Variants in KREMEN2 observed in about 807,000 individuals in gnomAD.
The protein encoded by KREMEN2 is kringle containing transmembrane protein 2.
Under a neutral mutation model 49.8 loss-of-function variants are expected in KREMEN2, and 43 were observed. That is an observed-to-expected ratio of 0.86 (90% CI 0.68 to 1.11). KREMEN2 has a LOEUF of 1.11. KREMEN2 is among the 50% of genes most tolerant of loss of function. The pLI is 0.00. For synonymous variants in KREMEN2, 355 were observed against 304.9 expected (o/e 1.16, Z -1.71); for missense variants, 686 against 665.7 (o/e 1.03, Z -0.34).
Position 2,965,050 on chromosome 16 carries a change from G to A in KREMEN2, c.269+17G>A. On this transcript the variant is annotated intron_variant, in intron 2 of 8. Transcript: ENST00000303746. The stretch of plus-strand genomic sequence containing the variant: ...CTTCTGCCGGTGAGGGGCGGGGCCT[G>A]CGCTGGGGGCGAGGCTGGGCTCACC... 1 of 1,509,934 alleles carries A rather than the reference G, an allele frequency of 6.6e-7. No homozygotes were observed. Among genetic ancestry groups the A allele is most frequent in the African/African-American group, 1.4e-5 (1 of 70,624 alleles). The allele number at this position is 1,509,934 out of a possible 1,614,324, so 93.5% of individuals were successfully genotyped here.
At position 2,968,289 on chromosome 16, in the gene KREMEN2, G is replaced by A; in HGVS notation, c.*269G>A. 1 of 1,393,772 alleles carries A rather than the reference G, an allele frequency of 7.2e-7. No homozygotes were observed. The highest frequency in any genetic ancestry group is 9.8e-7 in the Non-Finnish European group (1 of 1,018,784). 86.3% of individuals were successfully genotyped at this position (1,393,772 alleles called of 1,614,324 possible). A position where few individuals can be genotyped will look rare whatever the true frequency, so the allele number is the denominator to read the frequency against. ...AGGTCTTTGAACCCCTCTGGGGGTG[G>A]TCCTGGACTGCCGTCCTCAGTGAGA... On this transcript the variant is annotated 3_prime_UTR_variant, in exon 9 of 9. Transcript: ENST00000303746.
Position 2,967,573 on chromosome 16 carries a change from C to G in KREMEN2, c.1147C>G (p.Leu383Val). Residue 383 changes from leucine (L) to valine (V), a missense_variant, in exon 8 of 9, where the codon CTC (leucine) becomes GTC (valine). Physicochemically the swap from Leu to Val is conservative, Grantham distance 32. Transcript: ENST00000303746. ...VTAVSVLLLL[L>V]LGLLRPLRRR... ...GGCTGTCTCGGTGCTGCTGCTGCTGCTCCTGGGGCTGCTGCGTCCGCTGCG... is the reference window on the plus strand; with the variant it reads ...GGCTGTCTCGGTGCTGCTGCTGCTGGTCCTGGGGCTGCTGCGTCCGCTGCG... The G allele has an allele frequency of 6.5e-7, 1 of 1,529,916 alleles. No individual in the cohort carries two copies. Among genetic ancestry groups the G allele is most frequent in the Non-Finnish European group, 8.7e-7 (1 of 1,144,268 alleles). The allele number at this position is 1,529,916 out of a possible 1,614,324, so 94.8% of individuals were successfully genotyped here.
Position 2,964,516 on chromosome 16 carries a change from G to A in KREMEN2, c.-5G>A. 7 of 1,567,226 alleles carry A rather than the reference G, an allele frequency of 4.5e-6. No homozygotes were observed. Among genetic ancestry groups the A allele is most frequent in the South Asian group, 3.6e-5 (3 of 83,168 alleles). ...GCGAGGGTGACCTATCCTTGGTTGA[G>A]AGCGATGGGGACACAAGCCCTGCAG... On this transcript the variant is annotated 5_prime_UTR_variant, in exon 1 of 9. Transcript: ENST00000303746.
chr16:2,967,330 C>A lies in KREMEN2; in HGVS notation c.984C>A (p.Asp328Glu). 1 of 1,402,004 alleles carries A rather than the reference C, an allele frequency of 7.1e-7. No individual in the cohort carries two copies. Among genetic ancestry groups the A allele is most frequent in the Non-Finnish European group, 9.2e-7 (1 of 1,089,318 alleles). The allele number at this position is 1,402,004 out of a possible 1,614,324, so 86.8% of individuals were successfully genotyped here. A position where few individuals can be genotyped will look rare whatever the true frequency, so the allele number is the denominator to read the frequency against. The change falls in exon 7 of 9, where the codon GAC becomes GAA. Residue 328 changes from aspartate to glutamate, a missense_variant. Asp to Glu is a conservative substitution (Grantham distance 45, BLOSUM62 2). Transcript: ENST00000303746. ...GFALTYRGLQ[D>E]AAEDPEAPEG... ...CGCCCCTCTCCGCAGGGCTGCAGGACGCCGCTGAGGACCCAGAGGCCCCCG... is the reference window on the plus strand; with the variant it reads ...CGCCCCTCTCCGCAGGGCTGCAGGAAGCCGCTGAGGACCCAGAGGCCCCCG...
chr16:2,968,042 T>C lies in KREMEN2; in HGVS notation c.*22T>C. 1 of 1,533,366 alleles carries C rather than the reference T, an allele frequency of 6.5e-7. No individual in the cohort carries two copies. Among genetic ancestry groups the C allele is most frequent in the Non-Finnish European group, 8.7e-7 (1 of 1,144,038 alleles). The allele number at this position is 1,533,366 out of a possible 1,614,324, so 95.0% of individuals were successfully genotyped here. On this transcript the variant is annotated 3_prime_UTR_variant, in exon 9 of 9. Transcript: ENST00000303746. Reference sequence around the variant, plus strand: ...CTGACTCTGGGCCCCGAGGGTCCGCTGGGCCCGCCGCCGGCGAGATGGACA... The same window carrying C: ...CTGACTCTGGGCCCCGAGGGTCCGCCGGGCCCGCCGCCGGCGAGATGGACA...
Position 2,968,230 on chromosome 16 carries a change from T to G in KREMEN2, c.*210T>G, listed in dbSNP as rs967750482. ...GTCCAGATGGTCCAGGCCCTCTCCA[T>G]GGACCTGTATGTGGGGGTGGTCTCT... On this transcript the variant is annotated 3_prime_UTR_variant, in exon 9 of 9. Transcript: ENST00000303746. 1.2e-5 allele frequency: 11 copies of G among 911,492 alleles called. No individual in the cohort carries two copies. The highest frequency in any genetic ancestry group is 2.2e-5 in the Admixed American group (1 of 45,426). 56.5% of individuals were successfully genotyped at this position (911,492 alleles called of 1,614,324 possible).
At chr16:2,967,294 A>C (rs1489891670) in intron 6 of KREMEN2, 26 bp from the exon 7 acceptor site, 8 of 1,327,652 alleles carry the variant, frequency 6.0e-6, no homozygotes, top group Non-Finnish European at 7.7e-6. Context: ...CGCTCTCCCC[A>C]CCCCGCCTCA....
chr16:2,967,693 G>T (rs2071863286), intron 8 of KREMEN2, 89 bp downstream of exon 8: 1 of 1,547,564 alleles, frequency 6.5e-7, no homozygotes. Context: ...GGAACTCCTG[G>T]GTTCTTAAGG....
In KREMEN2 at chr16:2,966,258, G is replaced by C; in HGVS notation, c.361+27G>C. On this transcript the variant is annotated intron_variant, in intron 3 of 8. Coordinates refer to ENST00000303746, the MANE Select transcript of KREMEN2 (RefSeq NM_172229.3). This position sits in a 1 kb window ranked among gnomAD's most constrained non-coding sequence, Gnocchi z 8.4. The stretch of plus-strand genomic sequence containing the variant: ...TGAGTAGCGCGGCTGGACAGAGGTG[G>C]GAACGCTGCTGCATCTGGGAGGAGG... The C allele has an allele frequency of 6.2e-7, 1 of 1,613,366 alleles. No individual in the cohort carries two copies.
At chr16:2,965,289 C>T (rs187008368) in intron 2 of KREMEN2, among the ~76,000 whole-genome samples, 1 of 151,996 alleles carries the variant, frequency 6.6e-6, no homozygotes, top group African/African-American at 2.4e-5. Flanking sequence ...GAGAAACGGA[C>T]CTGGGCACTC....
In KREMEN2 at chr16:2,964,852, C is replaced by CGG; in HGVS notation, c.95-6_95-5insGG. 1 of 1,609,934 alleles carries CGG rather than the reference C, an allele frequency of 6.2e-7. No homozygotes were observed. The highest frequency in any genetic ancestry group is 8.5e-7 in the Non-Finnish European group (1 of 1,178,788). On this transcript the variant is annotated splice_region_variant and splice_polypyrimidine_tract_variant and intron_variant, in intron 1 of 8. Transcript: ENST00000303746. ...GGACCTCCCCAGGCCCTGCCTTTGC[C>CGG]GTGCAGGCCTGTCCGAATGCTTCCA...
At position 2,965,050 on chromosome 16, in the gene KREMEN2, G is replaced by C. The variant is rs1309220081; in HGVS notation, c.269+17G>C. On this transcript the variant is annotated intron_variant, in intron 2 of 8. Coordinates refer to ENST00000303746, the MANE Select transcript of KREMEN2 (RefSeq NM_172229.3). ...CTTCTGCCGGTGAGGGGCGGGGCCTGCGCTGGGGGCGAGGCTGGGCTCACC... is the reference window on the plus strand; with the variant it reads ...CTTCTGCCGGTGAGGGGCGGGGCCTCCGCTGGGGGCGAGGCTGGGCTCACC... 1 of 1,509,816 alleles carries C rather than the reference G, an allele frequency of 6.6e-7. No individual in the cohort carries two copies. Among genetic ancestry groups the C allele is most frequent in the African/African-American group, 1.4e-5 (1 of 70,502 alleles). The allele number at this position is 1,509,816 out of a possible 1,614,324, so 93.5% of individuals were successfully genotyped here. A position where few individuals can be genotyped will look rare whatever the true frequency, so the allele number is the denominator to read the frequency against.
In KREMEN2 at chr16:2,967,066, C is replaced by T. The variant is rs1010590870; in HGVS notation, c.797C>T (p.Ala266Val). The change falls in exon 6 of 9, where the codon GCC (alanine) becomes GTC (valine). Residue 266 changes from alanine to valine, a missense_variant. By Grantham distance (64) the Ala-to-Val change is moderately conservative. Coordinates refer to ENST00000303746, the MANE Select transcript of KREMEN2 (RefSeq NM_172229.3). ...LELTFRLFEL[A>V]DPRDRLELRD... is the part of the protein sequence containing the mutation. ...CTCACCTTCCGCCTCTTCGAGCTGGCCGACCCGCGCGACCGGCTGGAGCTG... is the reference window on the plus strand; with the variant it reads ...CTCACCTTCCGCCTCTTCGAGCTGGTCGACCCGCGCGACCGGCTGGAGCTG... 1 of 1,527,644 alleles carries T rather than the reference C, an allele frequency of 6.5e-7. No individual in the cohort carries two copies. The highest frequency in any genetic ancestry group is 1.2e-5 in the South Asian group (1 of 82,746). The allele number at this position is 1,527,644 out of a possible 1,614,324, so 94.6% of individuals were successfully genotyped here. A position where few individuals can be genotyped will look rare whatever the true frequency, so the allele number is the denominator to read the frequency against.
Position 2,967,392 on chromosome 16 carries a change from G to A in KREMEN2, c.1046G>A (p.Gly349Glu). ...SAQTPAAPLDGANVSCSPRPG... is the reference protein window; with the variant it reads ...SAQTPAAPLDEANVSCSPRPG... The stretch of plus-strand genomic sequence containing the variant: ...CAGACCCCCGCGGCGCCCCTCGACG[G>A]GGCCAACGTGAGCTGCAGCCCCAGG... The change falls in exon 7 of 9, where the codon GGG (glycine) becomes GAG (glutamate). Residue 349 changes from glycine to glutamate, a missense_variant. Gly to Glu is a moderately conservative substitution (Grantham distance 98). Coordinates refer to ENST00000303746, the MANE Select transcript of KREMEN2 (RefSeq NM_172229.3). 1 of 1,398,206 alleles carries A rather than the reference G, an allele frequency of 7.2e-7. No individual in the cohort carries two copies. Among genetic ancestry groups the A allele is most frequent in the Non-Finnish European group, 9.2e-7 (1 of 1,088,510 alleles). 86.6% of individuals were successfully genotyped at this position (1,398,206 alleles called of 1,614,324 possible).
rs1478584836 is a variant in KREMEN2, at chr16:2,967,540, A to G, written c.1114A>G (p.Thr372Ala). The G allele has an allele frequency of 6.5e-7, 1 of 1,531,768 alleles. No individual in the cohort carries two copies. The highest frequency in any genetic ancestry group is 8.7e-7 in the Non-Finnish European group (1 of 1,145,360). 94.9% of individuals were successfully genotyped at this position (1,531,768 alleles called of 1,614,324 possible). The change falls in exon 8 of 9, where the codon ACG (threonine) becomes GCG (alanine). Residue 372 changes from threonine to alanine, a missense_variant. Physicochemically the swap from Thr to Ala is moderately conservative, Grantham distance 58. Coordinates refer to ENST00000303746, the MANE Select transcript of KREMEN2 (RefSeq NM_172229.3). ...PAAIGARVFS[T>A]VTAVSVLLLL... Reference sequence around the variant, plus strand: ...TGTGCCCGCAGCCCGGGTCTTCTCGACGGTGACGGCTGTCTCGGTGCTGCT... The same window carrying G: ...TGTGCCCGCAGCCCGGGTCTTCTCGGCGGTGACGGCTGTCTCGGTGCTGCT...
In KREMEN2 at chr16:2,966,962, C is replaced by T; in HGVS notation, c.693C>T (p.Tyr231=). The change falls in exon 6 of 9, where the codon TAC becomes TAT. Residue 231 remains tyrosine, a synonymous_variant. Transcript: ENST00000303746. This position sits in a 1 kb window ranked among gnomAD's most constrained non-coding sequence, Gnocchi z 8.4. ...GGACAGCGCCTCAGGGCGTCATCTA[C>T]TCCCCGGACTTCCCGGACGAGTACG... ...GNWTAPQGVI[Y]SPDFPDEYGP... 1 of 1,557,620 alleles carries T rather than the reference C, an allele frequency of 6.4e-7. No individual in the cohort carries two copies. The highest frequency in any genetic ancestry group is 2.3e-5 in the East Asian group (1 of 42,668).
chr16:2,968,332 AAC>A lies in KREMEN2; in HGVS notation c.*314_*315del. 6.5e-7 allele frequency: 1 copy of A among 1,533,724 alleles called. No individual in the cohort carries two copies. The highest frequency in any genetic ancestry group is 1.4e-5 in the African/African-American group (1 of 73,118). Reference sequence around the variant, plus strand: ...CAGTGAGAGGTCACAGGTCAGCAAAAACAGTCAAAAAACCCCCACAGATTTTG... The same window carrying A: ...CAGTGAGAGGTCACAGGTCAGCAAAAAGTCAAAAAACCCCCACAGATTTTG... On this transcript the variant is annotated 3_prime_UTR_variant, in exon 9 of 9. Coordinates refer to ENST00000303746, the MANE Select transcript of KREMEN2 (RefSeq NM_172229.3).
rs1567372766 is a variant in KREMEN2 at position 2,967,007 on chromosome 16, CT to C, written c.739del (p.Trp247GlyfsTer106). ...AGTACGGGCCGGACCGGAACTGCAG[CT>C]GGGCCCTGGGCCCGCCAGGCGCCGC... ...DEYGPDRNCS[W>X]ALGPPGAALE... On this transcript the variant is annotated frameshift_variant, in exon 6 of 9. Transcript: ENST00000303746. LOFTEE classifies it high-confidence loss of function. The C allele has an allele frequency of 6.5e-7, 1 of 1,548,388 alleles. No individual in the cohort carries two copies. Among genetic ancestry groups the C allele is most frequent in the South Asian group, 1.2e-5 (1 of 84,092 alleles).
chr16:2,966,987 G>A lies in KREMEN2; in HGVS notation c.718G>A (p.Gly240Arg). The change falls in exon 6 of 9, where the codon GGG (glycine) becomes AGG (arginine). Residue 240 changes from glycine (G) to arginine (R), a missense_variant. Coordinates refer to ENST00000303746, the MANE Select transcript of KREMEN2 (RefSeq NM_172229.3). This position sits in a 1 kb window ranked among gnomAD's most constrained non-coding sequence, Gnocchi z 8.4. ...CTCCCCGGACTTCCCGGACGAGTACGGGCCGGACCGGAACTGCAGCTGGGC... is the reference window on the plus strand; with the variant it reads ...CTCCCCGGACTTCCCGGACGAGTACAGGCCGGACCGGAACTGCAGCTGGGC... The part of the protein sequence containing the change: ...IYSPDFPDEY[G>R]PDRNCSWALG... 3 of 1,554,044 alleles carry A rather than the reference G, an allele frequency of 1.9e-6. No individual in the cohort carries two copies. Among genetic ancestry groups the A allele is most frequent in the Non-Finnish European group, 1.7e-6 (2 of 1,148,788 alleles).
Sources: gnomAD v4.1 joint callset for allele counts (sites outside exome capture counted in the v4.1 genomes callset) on GRCh38, gnomAD v4.1.1 for gene constraint, Gnocchi (gnomAD v3.1) non-coding constraint, MANE v1.5 for transcripts, NCBI Gene and HGNC (gene_info 2026-07-23, HGNC 2026-07-21) for gene names.